The following ZNF415 variants were observed in gnomAD, a reference collection of about 807,000 sequenced individuals.
The protein encoded by ZNF415 is zinc finger protein 415.
In ZNF415, 5 loss-of-function variants were observed where a neutral mutation model predicts 7.3. The ratio of observed to expected loss-of-function variants is 0.69; its 90% CI spans 0.36 to 1.44. The LOEUF (loss-of-function observed/expected upper bound fraction) is 1.44. ZNF415 is among the 40% of genes most tolerant of loss of function. The probability of loss-of-function intolerance (pLI) is 0.04; values close to 1 mark genes in which losing one functional copy is unlikely to be tolerated. For synonymous variants in ZNF415, 207 were observed against 226.3 expected (o/e 0.91, Z 0.77); for missense variants, 628 against 664.8 (o/e 0.94, Z 0.61).
chr19:53,112,627 A>G (rs1275926541), intron 3 of ZNF415, among the ~76,000 whole-genome samples: 1 of 152,232 alleles, frequency 6.6e-6, no homozygotes, highest in Non-Finnish European at 1.5e-5. Context: ...TTTCAGGAAT[A>G]CAAAACCAAT....
intron 1 of ZNF415, among the ~76,000 whole-genome samples, chr19:53,131,819 C>T (rs2146746257): frequency 6.6e-6 from 1 of 152,168 alleles, no homozygotes; most frequent in Non-Finnish European, 1.5e-5. Flanking sequence ...TGTTAAATTC[C>T]CTCTTCCCTG....
At chr19:53,125,548 G>C (rs919884939) in intron 1 of ZNF415, among the ~76,000 whole-genome samples, 1 of 151,996 alleles carries the variant, frequency 6.6e-6, no homozygotes, top group Non-Finnish European at 1.5e-5. Flanking sequence ...ATGTTACCTA[G>C]GCTCGTCTCA....
rs2090268690 is a variant in ZNF415 at position 53,132,841 on chromosome 19, C to T, written c.-68+15G>A. The T allele has an allele frequency of 6.6e-6, 1 of 152,286 alleles. No individual in the cohort carries two copies. The highest frequency in any genetic ancestry group is 1.5e-5 in the Non-Finnish European group (1 of 68,134). 9.4% of individuals were successfully genotyped at this position (152,286 alleles called of 1,614,324 possible). A position where few individuals can be genotyped will look rare whatever the true frequency, so the allele number is the denominator to read the frequency against. ...ACAGGGAGCGCAGGTTTAATCTACACAGAGGGTCACTCACGCTCGACGCCG... is the reference window on the plus strand; with the variant it reads ...ACAGGGAGCGCAGGTTTAATCTACATAGAGGGTCACTCACGCTCGACGCCG... On this transcript the variant is annotated intron_variant, in intron 1 of 3. Transcript: ENST00000243643.
chr19:53,122,595 C>T, intron 2 of ZNF415, 67 bp downstream of exon 2: 2 of 1,611,182 alleles, frequency 1.2e-6, no homozygotes, highest in Non-Finnish European at 1.7e-6. Flanking sequence ...TTTGCAGCTC[C>T]AAGGCATTGT....
At chr19:53,116,609 C>CTTTTTTTTTTTTTTTT (rs1410295819) in intron 2 of ZNF415, among the ~76,000 whole-genome samples, 176 bp from the exon 3 acceptor site, 7 of 81,114 alleles carry the variant, frequency 8.6e-5, no homozygotes, top group African/African-American at 3.5e-4. Flanking sequence ...GGTTTTTTTT[C>CTTTTTTTTTTTTTTTT]TCTCTTTTTT....
Position 53,109,378 on chromosome 19 carries a change from TG to T in ZNF415, c.666del (p.Asp222GlufsTer4). 1 of 1,614,190 alleles carries T rather than the reference TG, an allele frequency of 6.2e-7. No individual in the cohort carries two copies. The highest frequency in any genetic ancestry group is 8.5e-7 in the Non-Finnish European group (1 of 1,180,010). On this transcript the variant is annotated frameshift_variant, in exon 4 of 4. Coordinates refer to ENST00000243643, the MANE Select transcript of ZNF415 (RefSeq NM_018355.4). LOFTEE classifies it low-confidence loss of function (END_TRUNC). ...ATGTGTGAGCCATGATTCAAGGCTT[TG>T]TCGCACTCAATATATCTGTAAGGTT... is the stretch of plus-strand genomic sequence containing the variant. Reference protein sequence around the residue: ...REKPYRYIECDKALNHGSHMT... With the variant: ...REKPYRYIECXKALNHGSHMT...
At chr19:53,115,876 G>A in intron 3 of ZNF415, 1 of 1,287,420 alleles carries the variant, frequency 7.8e-7, no homozygotes, top group Non-Finnish European at 1.1e-6. Flanking sequence ...GGCTTTTCAA[G>A]AATCTCAGCC....
chr19:53,114,305 T>A (rs1243233712), intron 3 of ZNF415, among the ~76,000 whole-genome samples: 1 of 152,056 alleles, frequency 6.6e-6, no homozygotes, highest in African/African-American at 2.4e-5. Context: ...GCCTCCTGAG[T>A]AGCTGGGATT....
Position 53,115,954 on chromosome 19 carries a change from T to C in ZNF415, c.136+359A>G, listed in dbSNP as rs1434491100. On this transcript the variant is annotated intron_variant, in intron 3 of 3. Coordinates refer to ENST00000243643, the MANE Select transcript of ZNF415 (RefSeq NM_018355.4). ...GAAAATATTTCACAAATTATTTCAC[T>C]GAATGCCAACTCTGAATGCTTAGGG... 14 of 691,322 alleles carry C rather than the reference T, an allele frequency of 2.0e-5. No homozygotes were observed. In the Admixed American group the frequency reaches 3.4e-4, roughly 17 times the overall value. 42.8% of individuals were successfully genotyped at this position (691,322 alleles called of 1,614,324 possible).
At chr19:53,131,476 G>A (rs1160201132) in intron 1 of ZNF415, among the ~76,000 whole-genome samples, 1 of 152,156 alleles carries the variant, frequency 6.6e-6, no homozygotes, top group Non-Finnish European at 1.5e-5. Flanking sequence ...AGGTCAAAAG[G>A]TAGTCATCAC....
In ZNF415 at chr19:53,131,836, A is replaced by G. The variant is rs141932173; in HGVS notation, c.-68+1020T>C. ...TTAAATTCCCTCTTCCCTGTTACACACCGTTGTCCCCACTCTTTGGCACCC... is the reference window on the plus strand; with the variant it reads ...TTAAATTCCCTCTTCCCTGTTACACGCCGTTGTCCCCACTCTTTGGCACCC... On this transcript the variant is annotated intron_variant, in intron 1 of 3. Transcript: ENST00000243643. Among the ~76,000 whole-genome samples, 353 of 151,808 alleles carry G rather than the reference A, an allele frequency of 2.3e-3. 1 individual carries two copies. Among genetic ancestry groups the G allele is most frequent in the African/African-American group, 8.1e-3 (336 of 41,356 alleles).
At chr19:53,111,716 G>A (rs2086272303) in intron 3 of ZNF415, among the ~76,000 whole-genome samples, 1 of 152,086 alleles carries the variant, frequency 6.6e-6, no homozygotes, top group African/African-American at 2.4e-5. Context: ...AATCATCACA[G>A]AAGGCTGATC....
chr19:53,110,051 C>T (rs1488092706), intron 3 of ZNF415, 143 bp from the exon 4 acceptor site: 13 of 628,556 alleles, frequency 2.1e-5, no homozygotes, highest in Admixed American at 1.1e-4. Flanking sequence ...TTAATTTTTA[C>T]GAACACAAAG....
chr19:53,110,220 T>C (rs1550578), intron 3 of ZNF415, among the ~76,000 whole-genome samples: 8,842 of 152,218 alleles, frequency 0.058, 826 homozygotes, highest in African/African-American at 0.2. Context: ...TACACACCAA[T>C]TGGCAGAAAA....
At chr19:53,124,963 G>A (rs990987654) in intron 1 of ZNF415, among the ~76,000 whole-genome samples, 3 of 152,122 alleles carry the variant, frequency 2.0e-5, no homozygotes, top group African/African-American at 7.2e-5. Flanking sequence ...AACGGAGCTG[G>A]ATGTGGGGAT....
At position 53,115,559 on chromosome 19, in the gene ZNF415, A is replaced by T. The variant is rs1158950392; in HGVS notation, c.136+754T>A. The T allele has an allele frequency of 1.5e-5, 10 of 653,588 alleles. No homozygotes were observed. In the Admixed American group the frequency reaches 2.5e-4, roughly 16 times the overall value. 40.5% of individuals were successfully genotyped at this position (653,588 alleles called of 1,614,324 possible). A position where few individuals can be genotyped will look rare whatever the true frequency, so the allele number is the denominator to read the frequency against. ...CAACTATGACACGTCTCAAGAGCAG[A>T]GGGAGAAGTAGGGGAAGTTTAAAAT... On this transcript the variant is annotated intron_variant, in intron 3 of 3. Coordinates refer to ENST00000243643, the MANE Select transcript of ZNF415 (RefSeq NM_018355.4).
At chr19:53,128,540 G>T (rs1236304841) in intron 1 of ZNF415, among the ~76,000 whole-genome samples, 1 of 111,918 alleles carries the variant, frequency 8.9e-6, no homozygotes, top group Non-Finnish European at 2.0e-5. Context: ...CCCTGACTGT[G>T]AGCGCATCAC....
At chr19:53,124,937 G>A (rs1403942070) in intron 1 of ZNF415, among the ~76,000 whole-genome samples, 1 of 152,148 alleles carries the variant, frequency 6.6e-6, no homozygotes, top group East Asian at 1.9e-4. Context: ...CAGCTACACA[G>A]GGACAGAAGC....
intron 3 of ZNF415, among the ~76,000 whole-genome samples, chr19:53,113,366 G>C (rs1301683128): frequency 1.2e-5 from 1 of 83,582 alleles, no homozygotes; most frequent in African/African-American, 4.5e-5. Flanking sequence ...AATTAGCCGG[G>C]CATGGTGGCG....
Sources: allele counts gnomAD v4.1 joint callset (sites outside exome capture counted in the v4.1 genomes callset), GRCh38; gene constraint gnomAD v4.1.1; transcripts MANE v1.5; gene names NCBI Gene and HGNC (gene_info 2026-07-23, HGNC 2026-07-21).